The following CPLANE1 variants were observed in gnomAD, a reference collection of about 807,000 sequenced individuals.
CPLANE1 encodes the protein ciliogenesis and planar polarity effector 1.
Under a neutral mutation model 362.5 loss-of-function variants are expected in CPLANE1, and 263 were observed. The observed-to-expected ratio is 0.73, with a 90% confidence interval of 0.66 to 0.80. The LOEUF (loss-of-function observed/expected upper bound fraction) is 0.80. Among genes scored for constraint, CPLANE1 ranks in the 30% least tolerant of loss-of-function variants. CPLANE1 has a pLI of 0.00. For missense variants in CPLANE1, 3,461 were observed against 3,793.4 expected (o/e 0.91, Z 2.30); for synonymous variants, 1,212 against 1,302.6 (o/e 0.93, Z 1.50).
chr5:37,243,140 C>G (rs1175837487), intron 5 of CPLANE1, 21 bp from the exon 6 acceptor site: 1 of 1,331,438 alleles, frequency 7.5e-7, no homozygotes, highest in African/African-American at 1.5e-5. Flanking sequence ...ATTTAATATA[C>G]TTTAGTATAA....
chr5:37,179,798 C>T (rs1312984682), intron 28 of CPLANE1, among the ~76,000 whole-genome samples: 1 of 151,940 alleles, frequency 6.6e-6, no homozygotes, highest in Non-Finnish European at 1.5e-5. Context: ...AAAAGAGCAC[C>T]AACATAAAAA....
chr5:37,121,350 A>AT (rs1762572480), intron 49 of CPLANE1, among the ~76,000 whole-genome samples: 1 of 152,176 alleles, frequency 6.6e-6, no homozygotes, highest in Non-Finnish European at 1.5e-5. Context: ...ATAAAACAGG[A>AT]CTGCACAGAT....
chr5:37,182,027 G>A (rs184308406), intron 26 of CPLANE1, among the ~76,000 whole-genome samples: 1 of 152,110 alleles, frequency 6.6e-6, no homozygotes, highest in African/African-American at 2.4e-5. Context: ...AGGAGGCGGA[G>A]GTTGCAGTGA....
the CPLANE1 span, among the ~76,000 whole-genome samples, chr5:37,096,640 A>G: frequency 7.9e-3 from 1,209 of 152,284 alleles, 14 homozygotes; most frequent in Non-Finnish European, 0.012. Flanking sequence ...TGGGAGAAAA[A>G]TCTTCACAAT....
chr5:37,088,885 G>A, the CPLANE1 span, among the ~76,000 whole-genome samples: 1 of 152,220 alleles, frequency 6.6e-6, no homozygotes, highest in East Asian at 1.9e-4. Context: ...TGCTCACCGT[G>A]GTAATTGATA....
At chr5:37,193,149 A>G (rs1181915918) in intron 21 of CPLANE1, among the ~76,000 whole-genome samples, 1 of 151,952 alleles carries the variant, frequency 6.6e-6, no homozygotes, top group African/African-American at 2.4e-5. Context: ...AGCCTGGGCG[A>G]CAGTGCAAGA....
the CPLANE1 span, among the ~76,000 whole-genome samples, chr5:37,088,630 A>G: frequency 6.6e-6 from 1 of 152,220 alleles, no homozygotes; most frequent in East Asian, 1.9e-4. Context: ...AGCAAGCCCC[A>G]GGCCCCGCTC....
rs746816991 is a variant in CPLANE1, at chr5:37,183,637, C to T, written c.4544G>A (p.Cys1515Tyr). The T allele has an allele frequency of 1.2e-6, 2 of 1,610,692 alleles. No homozygotes were observed. Among genetic ancestry groups the T allele is most frequent in the East Asian group, 2.2e-5 (1 of 44,768 alleles). ...IHKPTDKRKM[C>Y]NQKENPTKKE... ...CTTTGTAGGATTTTCTTTCTGATTA[C>T]ACATTTTCCTTTTATCAGTTGGCTT... The change falls in exon 26 of 53, where the codon TGT becomes TAT. Residue 1515 changes from cysteine to tyrosine, a missense_variant. Physicochemically the swap from Cys to Tyr is radical, Grantham distance 194. Transcript: ENST00000651892.
At chr5:37,116,485 CAAAAAAAAAA>C (rs70976277) in intron 50 of CPLANE1, among the ~76,000 whole-genome samples, 2 of 25,944 alleles carry the variant, frequency 7.7e-5, no homozygotes, top group Non-Finnish European at 1.4e-4. Flanking sequence ...GACTCTGCCT[CAAAAAAAAAA>C]AAAAAAAAAA....
Position 37,244,424 on chromosome 5 carries a change from G to C in CPLANE1, c.521C>G (p.Ser174Cys), listed in dbSNP as rs1475901814. ...VIPEEAVLLPSTEDKEAVVNA... is the reference protein window; with the variant it reads ...VIPEEAVLLPCTEDKEAVVNA... The stretch of plus-strand genomic sequence containing the variant: ...CACTACAGCTTCTTTATCTTCGGTG[G>C]AAGGCAAGAGAACTGCTTCTTCAGG... Residue 174 changes from serine to cysteine, a missense_variant, in exon 5 of 53, where the codon TCC becomes TGC. Physicochemically the swap from Ser to Cys is moderately radical, Grantham distance 112 (BLOSUM62 -1). This residue lies in a region of CPLANE1 where 3,380 missense variants were observed against 3,666.1 expected (regional missense o/e 0.92). Transcript: ENST00000651892. 1 of 1,550,602 alleles carries C rather than the reference G, an allele frequency of 6.4e-7. No individual in the cohort carries two copies. Among genetic ancestry groups the C allele is most frequent in the Non-Finnish European group, 8.7e-7 (1 of 1,146,716 alleles).
chr5:37,111,152 G>A (rs145564309), intron 51 of CPLANE1, among the ~76,000 whole-genome samples: 8 of 139,866 alleles, frequency 5.7e-5, no homozygotes, highest in South Asian at 2.4e-4. Flanking sequence ...ACAGAGTCTC[G>A]CTCTGTCACT....
chr5:37,230,761 AAAGT>A lies in CPLANE1; in HGVS notation c.1121+102_1121+105del, dbSNP rs1288864589. On this transcript the variant is annotated intron_variant, in intron 9 of 52. Coordinates refer to ENST00000651892, the MANE Select transcript of CPLANE1 (RefSeq NM_001384732.1). ...ATATTGAGATGACAGACTCAAAGAA[AAAGT>A]AAGACAATTTGAAAGATGAAATTTT... 5.6e-6 allele frequency: 4 copies of A among 713,246 alleles called. No homozygotes were observed. In the East Asian group the frequency reaches 9.9e-5, roughly 18 times the overall value. The allele number at this position is 713,246 out of a possible 1,614,324, so 44.2% of individuals were successfully genotyped here.
intron 21 of CPLANE1, among the ~76,000 whole-genome samples, chr5:37,188,329 T>C (rs1784577758): frequency 6.6e-6 from 1 of 152,234 alleles, no homozygotes; most frequent in Non-Finnish European, 1.5e-5. Context: ...TTCACTCTTC[T>C]GCTAATCTTA....
At chr5:37,174,746 C>T (rs1780694114) in intron 31 of CPLANE1, among the ~76,000 whole-genome samples, 1 of 152,188 alleles carries the variant, frequency 6.6e-6, no homozygotes, top group Non-Finnish European at 1.5e-5. Flanking sequence ...TTTAGGTTTA[C>T]ACTCATTCCC....
At chr5:37,191,887 T>C (rs1433422498) in intron 21 of CPLANE1, among the ~76,000 whole-genome samples, 3 of 152,294 alleles carry the variant, frequency 2.0e-5, no homozygotes, top group Non-Finnish European at 2.9e-5. Flanking sequence ...CAATAATCTA[T>C]GGTTAATTTA....
chr5:37,223,683 C>T (rs1795831127), intron 14 of CPLANE1, among the ~76,000 whole-genome samples: 1 of 152,202 alleles, frequency 6.6e-6, no homozygotes, highest in Non-Finnish European at 1.5e-5. Context: ...TTATCAAAAA[C>T]TCCTCGAAGC....
At chr5:37,181,807 T>A (rs989186463) in intron 26 of CPLANE1, among the ~76,000 whole-genome samples, 2 of 151,692 alleles carry the variant, frequency 1.3e-5, no homozygotes, top group Non-Finnish European at 2.9e-5. Flanking sequence ...AAAGCAAGAC[T>A]CTGGACCAGG....
At chr5:37,143,593 C>T (rs1015671863) in intron 43 of CPLANE1, among the ~76,000 whole-genome samples, 2 of 152,122 alleles carry the variant, frequency 1.3e-5, no homozygotes, top group African/African-American at 2.4e-5. Flanking sequence ...GGAAATCATC[C>T]TGAGTGAACC....
chr5:37,093,234 G>A, the CPLANE1 span, among the ~76,000 whole-genome samples: 1 of 152,170 alleles, frequency 6.6e-6, no homozygotes, highest in African/African-American at 2.4e-5. Flanking sequence ...CGTGTCTAAT[G>A]AACTTCTCTT....
Sources: allele counts gnomAD v4.1 joint callset (sites outside exome capture counted in the v4.1 genomes callset), GRCh38; gene constraint gnomAD v4.1.1; regional missense constraint gnomAD v4.1.1; transcripts MANE v1.5; gene names NCBI Gene and HGNC (gene_info 2026-07-23, HGNC 2026-07-21).